Variants in TFEB observed in about 807,000 individuals in gnomAD.
The protein encoded by TFEB is T-cell transcription factor EB.
In TFEB, 12 loss-of-function variants were observed where a neutral mutation model predicts 48.0. The observed-to-expected ratio is 0.25, with a 90% CI of 0.16 to 0.40. TFEB has a LOEUF of 0.40. TFEB is among the 10% of genes least tolerant of loss of function. TFEB has a pLI of 1.00. For missense variants in TFEB, 509 were observed against 640.3 expected (o/e 0.79, Z 2.21); for synonymous variants, 244 against 261.4 (o/e 0.93, Z 0.64).
chr6:41,710,904 C>A (rs1454292937), intron 1 of TFEB, among the ~76,000 whole-genome samples: 2 of 152,180 alleles, frequency 1.3e-5, no homozygotes, highest in African/African-American at 4.8e-5. Context: ...ACCATTTGGG[C>A]ACAATTACTT....
chr6:41,699,264 A>G (rs984945922), intron 1 of TFEB, among the ~76,000 whole-genome samples: 21 of 152,224 alleles, frequency 1.4e-4, no homozygotes, highest in African/African-American at 4.8e-4. Flanking sequence ...AGGTGTCACC[A>G]TTCTGGTCAC....
intron 1 of TFEB, among the ~76,000 whole-genome samples, chr6:41,712,718 A>G (rs1770536699): frequency 6.6e-6 from 1 of 151,880 alleles, no homozygotes; most frequent in African/African-American, 2.4e-5. Context: ...CTGGGCAGGC[A>G]CGGGGCCCAG....
At chr6:41,687,871 G>A (rs370400254) in intron 5 of TFEB, 37 bp downstream of exon 5, 160 of 1,609,568 alleles carry the variant, frequency 9.9e-5, no homozygotes, top group East Asian at 6.9e-4. Flanking sequence ...GGGAGGAGTC[G>A]GGTATTCAAA....
In TFEB at chr6:41,724,922, G is replaced by A. The variant is rs1171700395; in HGVS notation, c.-23+10428C>T. Among the ~76,000 whole-genome samples the A allele has an allele frequency of 2.0e-5, 3 of 152,194 alleles. No individual in the cohort carries two copies. Among genetic ancestry groups the A allele is most frequent in the Non-Finnish European group, 4.4e-5 (3 of 68,032 alleles). The stretch of plus-strand genomic sequence containing the variant: ...GACAGGGAACACAGTCAAGGAAGAA[G>A]GGCCAGTGCTGAAAAGGCCTGGCTC... On this transcript the variant is annotated intron_variant, in intron 1 of 8. Transcript: ENST00000373033. The surrounding 1 kb of genome is among the most constrained non-coding windows in gnomAD (Gnocchi z 4.4).
intron 1 of TFEB, among the ~76,000 whole-genome samples, chr6:41,716,935 G>A (rs189108416): frequency 8.5e-5 from 13 of 152,130 alleles, no homozygotes; most frequent in African/African-American, 3.1e-4. Context: ...TGGAGGCATC[G>A]GCATGCCCGC....
intron 1 of TFEB, among the ~76,000 whole-genome samples, chr6:41,710,913 T>C (rs1380312179): frequency 6.6e-6 from 1 of 152,208 alleles, no homozygotes; most frequent in Non-Finnish European, 1.5e-5. Context: ...GCACAATTAC[T>C]TACTCTGTTC....
intron 1 of TFEB, among the ~76,000 whole-genome samples, chr6:41,699,677 C>G (rs1373164655): frequency 6.6e-6 from 1 of 152,176 alleles, no homozygotes; most frequent in Admixed American, 6.5e-5. Context: ...ACTGGAGATA[C>G]TTCATAATAT....
chr6:41,696,999 T>C (rs142205011), intron 1 of TFEB, among the ~76,000 whole-genome samples: 74 of 152,318 alleles, frequency 4.9e-4, no homozygotes, highest in African/African-American at 1.8e-3. Flanking sequence ...TGTAATTTGA[T>C]ATGGGTGTTG....
chr6:41,729,719 A>C (rs1359887170), intron 1 of TFEB, among the ~76,000 whole-genome samples: 3 of 152,176 alleles, frequency 2.0e-5, no homozygotes, highest in Admixed American at 6.5e-5. Context: ...GGATAGTTTC[A>C]GGGGAGGTGG....
chr6:41,688,776 C>T (rs910325325), intron 4 of TFEB, among the ~76,000 whole-genome samples: 5 of 152,190 alleles, frequency 3.3e-5, no homozygotes, highest in African/African-American at 7.2e-5. Flanking sequence ...CAACCAGTCC[C>T]GGCCAGCTCC....
At chr6:41,700,015 C>T (rs2127455480) in intron 1 of TFEB, among the ~76,000 whole-genome samples, 1 of 152,306 alleles carries the variant, frequency 6.6e-6, no homozygotes, top group Admixed American at 6.5e-5. Context: ...GGGACCCTGT[C>T]CTGCATCACC....
chr6:41,698,281 C>T (rs1333774789), intron 1 of TFEB, among the ~76,000 whole-genome samples: 1 of 152,192 alleles, frequency 6.6e-6, no homozygotes, highest in African/African-American at 2.4e-5. Flanking sequence ...CCGCCCCAAC[C>T]CTGGGGCTGG....
rs1453446454 is a variant in TFEB at position 41,684,345 on chromosome 6, C to T, written c.*254G>A. 1.0e-5 allele frequency: 4 copies of T among 384,376 alleles called. No individual in the cohort carries two copies. Among genetic ancestry groups the T allele is most frequent in the African/African-American group, 2.1e-5 (1 of 48,228 alleles). 23.8% of individuals were successfully genotyped at this position (384,376 alleles called of 1,614,324 possible). ...GAACACCCTGCCCCTCCCTGCCCCG[C>T]GATTCCATCTCCGGGAGAGGGGCTG... On this transcript the variant is annotated 3_prime_UTR_variant, in exon 9 of 9. Transcript: ENST00000373033.
intron 4 of TFEB, among the ~76,000 whole-genome samples, chr6:41,689,453 C>A (rs1769179572): frequency 6.6e-6 from 1 of 152,214 alleles, no homozygotes; most frequent in Non-Finnish European, 1.5e-5. Context: ...CTTCGCCAAC[C>A]TGGAAAGCTC....
intron 1 of TFEB, among the ~76,000 whole-genome samples, chr6:41,716,560 C>A (rs1770741830): frequency 6.6e-6 from 1 of 152,212 alleles, no homozygotes. Flanking sequence ...AGGACACCTA[C>A]TGCATGCCAA....
At chr6:41,715,305 C>T (rs1056966363) in intron 1 of TFEB, among the ~76,000 whole-genome samples, 1 of 152,114 alleles carries the variant, frequency 6.6e-6, no homozygotes, top group African/African-American at 2.4e-5. Flanking sequence ...AAGCTGTTTC[C>T]CAAGACTCTC....
chr6:41,718,821 G>A (rs184171024), intron 1 of TFEB, among the ~76,000 whole-genome samples: 1 of 152,234 alleles, frequency 6.6e-6, no homozygotes, highest in African/African-American at 2.4e-5. Flanking sequence ...ATGAAAGCCT[G>A]AAGCAGGCCC....
chr6:41,692,183 A>G (rs987965516), intron 1 of TFEB, among the ~76,000 whole-genome samples: 2 of 152,012 alleles, frequency 1.3e-5, no homozygotes, highest in African/African-American at 4.8e-5. Context: ...TTGCCTAGCT[A>G]TTTCATTCAT....
At chr6:41,717,618 A>G (rs566938266) in intron 1 of TFEB, among the ~76,000 whole-genome samples, 2 of 152,206 alleles carry the variant, frequency 1.3e-5, no homozygotes, top group Non-Finnish European at 2.9e-5. Flanking sequence ...TAAACTAGGC[A>G]TAGCTCCATC....
Sources: allele counts gnomAD v4.1 joint callset (sites outside exome capture counted in the v4.1 genomes callset), GRCh38; gene constraint gnomAD v4.1.1; non-coding constraint Gnocchi (gnomAD v3.1); transcripts MANE v1.5; gene names NCBI Gene and HGNC (gene_info 2026-07-23, HGNC 2026-07-21).